The following ANKRD26 variants were observed in gnomAD, a reference collection of about 807,000 sequenced individuals.
The protein encoded by ANKRD26 is ankyrin repeat domain-containing protein 26.
In ANKRD26, 141 loss-of-function variants were observed where a neutral mutation model predicts 208.7. That is an observed-to-expected ratio of 0.68 (90% CI 0.59 to 0.78). The LOEUF (loss-of-function observed/expected upper bound fraction) is 0.78, where lower values mean the gene tolerates loss of function less well. Among genes scored for constraint, ANKRD26 ranks in the 30% least tolerant of loss-of-function variants. The probability of loss-of-function intolerance (pLI) is 0.00; values close to 1 mark genes in which losing one functional copy is unlikely to be tolerated. For synonymous variants in ANKRD26, 636 were observed against 660.4 expected (o/e 0.96, Z 0.57); for missense variants, 1,889 against 1,938.7 (o/e 0.97, Z 0.48).
chr10:26,976,344 A>G (rs1363762038), intron 5 of ANKRD26, among the ~76,000 whole-genome samples: 1 of 152,056 alleles, frequency 6.6e-6, no homozygotes, highest in Non-Finnish European at 1.5e-5. Context: ...CCTCCGGAGT[A>G]GCTGGGATTA....
chr10:27,035,802 T>C, intron 23 of ANKRD26, 50 bp from the exon 24 acceptor site: 1 of 1,268,638 alleles, frequency 7.9e-7, no homozygotes, highest in Non-Finnish European at 1.1e-6. Flanking sequence ...AAATGACAGA[T>C]CATGATTTCC....
At chr10:27,042,952 CAA>C (rs376971749) in intron 20 of ANKRD26, among the ~76,000 whole-genome samples, 27 of 82,384 alleles carry the variant, frequency 3.3e-4, no homozygotes, top group Admixed American at 6.3e-4. Flanking sequence ...AATTTTGTCT[CAA>C]AAAAAAAAAA....
At chr10:27,065,244 T>C (rs948661446) in intron 11 of ANKRD26, among the ~76,000 whole-genome samples, 1 of 152,234 alleles carries the variant, frequency 6.6e-6, no homozygotes, top group Non-Finnish European at 1.5e-5. Flanking sequence ...TAGTGACTTA[T>C]AAGTGTTTGT....
At chr10:26,958,902 G>C in the ANKRD26 span, among the ~76,000 whole-genome samples, 11 of 152,306 alleles carry the variant, frequency 7.2e-5, no homozygotes, top group African/African-American at 2.6e-4. Flanking sequence ...TTCCACAATA[G>C]TTGAAGTATT....
intron 9 of ANKRD26, among the ~76,000 whole-genome samples, chr10:27,074,406 C>T (rs567674925): frequency 6.6e-6 from 1 of 152,302 alleles, no homozygotes; most frequent in South Asian, 2.1e-4. Context: ...GGGGGCTGGG[C>T]ATGGTGGCTC....
intron 15 of ANKRD26, among the ~76,000 whole-genome samples, chr10:27,059,681 C>T (rs193138771): frequency 6.6e-5 from 10 of 151,398 alleles, no homozygotes; most frequent in East Asian, 3.9e-4. Flanking sequence ...GAGGCTAAAG[C>T]GGGCGGATCA....
intron 29 of ANKRD26, among the ~76,000 whole-genome samples, chr10:27,020,442 C>T (rs1173375311): frequency 6.6e-6 from 1 of 152,126 alleles, no homozygotes; most frequent in Non-Finnish European, 1.5e-5. Context: ...CCCTTCCCCG[C>T]CCCTTTGCCT....
chr10:27,080,953 G>A (rs2055884952), intron 6 of ANKRD26: 1 of 985,238 alleles, frequency 1.0e-6, no homozygotes, highest in South Asian at 4.7e-5. Flanking sequence ...GAGGTGAGGG[G>A]ACACCTGCCC....
chr10:27,077,924 CT>C lies in ANKRD26; in HGVS notation c.814-232del, dbSNP rs34889126. Among the ~76,000 whole-genome samples the C allele has an allele frequency of 0.095, 14,389 of 152,060 alleles. 800 individuals carry two copies. Among genetic ancestry groups the C allele is most frequent in the East Asian group, 0.28 (1,448 of 5,162 alleles). ...CCTCCAAAGGTTACTCCCCTTACCC[CT>C]AATTGATTATTATATAAATACTATG... On this transcript the variant is annotated intron_variant, in intron 7 of 33. Transcript: ENST00000376087.
chr10:26,950,703 C>G, the ANKRD26 span, among the ~76,000 whole-genome samples: 1 of 152,210 alleles, frequency 6.6e-6, no homozygotes, highest in Non-Finnish European at 1.5e-5. Context: ...GAGCAGATGC[C>G]AGCACCATGC....
rs757591227 is a variant in ANKRD26 at position 27,092,505 on chromosome 10, A to C, written c.539T>G (p.Leu180Arg). The part of the protein sequence containing the change: ...ANIEAKNKDD[L>R]TPLLLAVSGK... ...ACTTACTGCAAGTAAAAGTGGTGTG[A>C]GGTCATCCTGTAAGACAGCAAAAAC... Residue 180 changes from leucine (L) to arginine (R), a missense_variant, in exon 4 of 34, where the codon CTC becomes CGC. Around this residue, in one of 3 missense-constraint regions of ANKRD26, gnomAD observed 1,272 missense variants for 1,273.8 expected, o/e 1.00. Transcript: ENST00000376087. The C allele has an allele frequency of 2.2e-5, 36 of 1,612,572 alleles. No individual in the cohort carries two copies. The highest frequency in any genetic ancestry group is 2.9e-5 in the Non-Finnish European group (34 of 1,179,246).
chr10:27,067,009 G>A, intron 10 of ANKRD26, 148 bp downstream of exon 10: 1 of 776,124 alleles, frequency 1.3e-6, no homozygotes, highest in Non-Finnish European at 2.1e-6. Context: ...GTTTCATCAT[G>A]TTGGCTAGGC....
At chr10:27,069,909 G>C (rs1168740534) in intron 9 of ANKRD26, among the ~76,000 whole-genome samples, 1 of 152,026 alleles carries the variant, frequency 6.6e-6, no homozygotes, top group Non-Finnish European at 1.5e-5. Context: ...CTTAAGCCCA[G>C]TGGTTCAAAA....
intron 32 of ANKRD26, among the ~76,000 whole-genome samples, chr10:27,012,567 C>A (rs564602409): frequency 5.9e-5 from 9 of 152,074 alleles, no homozygotes; most frequent in Non-Finnish European, 1.3e-4. Context: ...GTAACCCCAG[C>A]ACTTCGGGAG....
At chr10:27,008,235 T>TA (rs2052961857) in intron 32 of ANKRD26, among the ~76,000 whole-genome samples, 1 of 152,000 alleles carries the variant, frequency 6.6e-6, no homozygotes, top group South Asian at 2.1e-4. Flanking sequence ...CCAATGCCTT[T>TA]AAAAATGTTA....
downstream of ANKRD26, among the ~76,000 whole-genome samples, chr10:27,000,800 T>C (rs192170825): frequency 6.6e-6 from 1 of 152,172 alleles, no homozygotes; most frequent in Non-Finnish European, 1.5e-5. Context: ...GGTCAGGAGA[T>C]CGAGACCATC....
At chr10:27,048,731 A>C in intron 17 of ANKRD26, 70 bp downstream of exon 17, 1 of 1,472,426 alleles carries the variant, frequency 6.8e-7, no homozygotes, top group African/African-American at 1.4e-5. Context: ...TTAATCATGA[A>C]TATTAGTCCA....
intron 1 of ANKRD26, among the ~76,000 whole-genome samples, chr10:27,097,751 G>A (rs932891697): frequency 7.9e-5 from 12 of 152,176 alleles, no homozygotes; most frequent in South Asian, 2.1e-4. Context: ...CCAGGTGCAC[G>A]CTATTCTACT....
chr10:27,005,884 A>T (rs2052857950), intron 33 of ANKRD26, among the ~76,000 whole-genome samples, 161 bp from the exon 34 acceptor site: 1 of 152,228 alleles, frequency 6.6e-6, no homozygotes, highest in South Asian at 2.1e-4. Context: ...TAATTTGCCC[A>T]TGGTTGCACA....
Sources: allele counts gnomAD v4.1 joint callset (sites outside exome capture counted in the v4.1 genomes callset), GRCh38; gene constraint gnomAD v4.1.1; regional missense constraint gnomAD v4.1.1; transcripts MANE v1.5; gene names NCBI Gene and HGNC (gene_info 2026-07-23, HGNC 2026-07-21).